THRAP3: variants seen among roughly 807,000 people sequenced by gnomAD.
The protein encoded by THRAP3 is thyroid hormone receptor-associated protein 3.
A neutral mutation model predicts 101.0 loss-of-function variants in THRAP3; 16 were observed. The ratio of observed to expected loss-of-function variants is 0.16; its 90% CI spans 0.11 to 0.24. The LOEUF is 0.24. Among genes scored for constraint, THRAP3 ranks in the 10% least tolerant of loss-of-function variants. THRAP3 has a pLI of 1.00. For missense variants in THRAP3, 989 were observed against 1,202.7 expected, an observed-to-expected ratio of 0.82 and a Z score of 2.63; for synonymous variants, 407 against 422.6, an observed-to-expected ratio of 0.96 and a Z score of 0.45.
the THRAP3 span, among the ~76,000 whole-genome samples, chr1:36,210,702 A>AAT: frequency 3.9e-4 from 2 of 5,098 alleles, no homozygotes; most frequent in Non-Finnish European, 5.1e-4. Context: ...AAAAAAAAAA[A>AAT]GTATATATAT....
At chr1:36,287,829 G>A in intron 4 of THRAP3, 9 of 985,452 alleles carry the variant, frequency 9.1e-6, no homozygotes, top group Non-Finnish European at 1.1e-5. Flanking sequence ...CGTGTTAGGA[G>A]AGGACATGAC....
At chr1:36,303,695 C>T in intron 11 of THRAP3, 101 bp from the exon 12 acceptor site, 2 of 1,556,104 alleles carry the variant, frequency 1.3e-6, no homozygotes, top group East Asian at 2.3e-5. Flanking sequence ...GGTTAGGGCA[C>T]AGGTTCTTTT....
intron 1 of THRAP3, among the ~76,000 whole-genome samples, chr1:36,258,882 C>T (rs1480935456): frequency 1.3e-5 from 2 of 152,132 alleles, no homozygotes; most frequent in Non-Finnish European, 2.9e-5. Flanking sequence ...TTTTGGAAAA[C>T]GCTGGACATA....
At chr1:36,293,026 G>GTATTTTTTT (rs1557454287) in intron 7 of THRAP3, among the ~76,000 whole-genome samples, 1 of 19,696 alleles carries the variant, frequency 5.1e-5, no homozygotes, top group African/African-American at 9.7e-5. Context: ...TTCTTTTCTT[G>GTATTTTTTT]TCTTTTTTTT....
At chr1:36,230,085 G>A (rs911744863) in intron 1 of THRAP3, among the ~76,000 whole-genome samples, 4 of 151,232 alleles carry the variant, frequency 2.6e-5, no homozygotes, top group East Asian at 3.9e-4. Context: ...CTCCCGAGTC[G>A]CTGGGATTAC....
chr1:36,249,079 G>T (rs1422335682), intron 1 of THRAP3, among the ~76,000 whole-genome samples: 1 of 151,558 alleles, frequency 6.6e-6, no homozygotes, highest in Non-Finnish European at 1.5e-5. Context: ...GTAGAGATGG[G>T]GTTTCACCAT....
Position 36,233,969 on chromosome 1 carries a change from A to C in THRAP3, c.-135+9464A>C, listed in dbSNP as rs188196314. The stretch of plus-strand genomic sequence containing the variant: ...CATTTCATTTTTTCTTTTTCTTTTT[A>C]TTTTGAGATAGGGTCTTGTTTTGTC... On this transcript the variant is annotated intron_variant, in intron 1 of 11. Transcript: ENST00000354618. Among the ~76,000 whole-genome samples, 204 of 151,642 alleles carry C rather than the reference A, an allele frequency of 1.3e-3. 1 individual carries two copies. Among genetic ancestry groups the C allele is most frequent in the African/African-American group, 4.3e-3 (176 of 41,308 alleles).
intron 1 of THRAP3, among the ~76,000 whole-genome samples, chr1:36,254,672 T>C (rs1452913604): frequency 1.3e-5 from 2 of 152,152 alleles, no homozygotes; most frequent in African/African-American, 4.8e-5. Flanking sequence ...ACTGTTCCTA[T>C]AAAATTGTTT....
chr1:36,256,216 A>G (rs1557821792), intron 1 of THRAP3, among the ~76,000 whole-genome samples: 1 of 144,786 alleles, frequency 6.9e-6, no homozygotes, highest in Non-Finnish European at 1.5e-5. Flanking sequence ...TATTGTTATT[A>G]TTGTTATTAT....
intron 2 of THRAP3, among the ~76,000 whole-genome samples, chr1:36,260,351 A>G (rs1645429274): frequency 6.6e-6 from 1 of 151,584 alleles, no homozygotes; most frequent in African/African-American, 2.4e-5. Context: ...GTCCTTCCCC[A>G]CTCCCCTTCC....
Position 36,267,776 on chromosome 1 carries a change from A to G in THRAP3, c.-32+8292A>G, listed in dbSNP as rs1448140252. Among the ~76,000 whole-genome samples, 2 of 48,330 alleles carry G rather than the reference A, an allele frequency of 4.1e-5. 1 individual carries two copies. Among genetic ancestry groups the G allele is most frequent in the Non-Finnish European group, 1.3e-4 (2 of 15,022 alleles). The allele number at this position is 48,330 out of a possible 152,430, so 31.7% of individuals were successfully genotyped here. A position where few individuals can be genotyped will look rare whatever the true frequency, so the allele number is the denominator to read the frequency against. On this transcript the variant is annotated intron_variant, in intron 2 of 11. Transcript: ENST00000354618. Reference sequence around the variant, plus strand: ...GAGCCCATATTCCCCGCACCCACTCACAGAATACGGGGCATCCGGGGGCTT... The same window carrying G: ...GAGCCCATATTCCCCGCACCCACTCGCAGAATACGGGGCATCCGGGGGCTT...
upstream of THRAP3, chr1:36,224,281 A>G (rs1414385804): frequency 1.3e-5 from 2 of 152,310 alleles, no homozygotes; most frequent in African/African-American, 4.8e-5. Flanking sequence ...CGTGACGCAA[A>G]GCGGCGGGCC....
chr1:36,222,932 C>T (rs1644913546), upstream of THRAP3, among the ~76,000 whole-genome samples: 1 of 152,004 alleles, frequency 6.6e-6, no homozygotes, highest in Non-Finnish European at 1.5e-5. Flanking sequence ...AGTCTGATAC[C>T]AGCTTGGCCA....
At chr1:36,276,882 T>C (rs1645667920) in intron 2 of THRAP3, among the ~76,000 whole-genome samples, 1 of 151,948 alleles carries the variant, frequency 6.6e-6, no homozygotes, top group Non-Finnish European at 1.5e-5. Context: ...AGAAAAAAAG[T>C]GAAAAGAAAA....
intron 3 of THRAP3, among the ~76,000 whole-genome samples, chr1:36,285,977 C>T (rs368113707): frequency 2.6e-5 from 4 of 152,164 alleles, no homozygotes; most frequent in Non-Finnish European, 5.9e-5. Context: ...GTTTTTCTCT[C>T]GTTTCCAATG....
At chr1:36,301,826 T>G in intron 11 of THRAP3, 130 bp downstream of exon 11, 20 of 1,149,034 alleles carry the variant, frequency 1.7e-5, no homozygotes, top group Non-Finnish European at 2.2e-5. Flanking sequence ...CTGGGGCATG[T>G]GTACTTGCAT....
intron 5 of THRAP3, among the ~76,000 whole-genome samples, 165 bp from the exon 6 acceptor site, chr1:36,291,209 T>C (rs1479608397): frequency 3.3e-5 from 5 of 152,254 alleles, no homozygotes; most frequent in Admixed American, 6.5e-5. Context: ...AGATTTTGTA[T>C]ATACTTTTCC....
chr1:36,241,428 T>TATACAC (rs1287287207), intron 1 of THRAP3, among the ~76,000 whole-genome samples: 12 of 137,850 alleles, frequency 8.7e-5, no homozygotes, highest in African/African-American at 3.2e-4. Context: ...TATATATATA[T>TATACAC]ACACATATAT....
rs71796650 is a variant in THRAP3, at chr1:36,266,850, A to ATATTTATTTATT, written c.-32+7400_-32+7411dup. Among the ~76,000 whole-genome samples, 754 of 144,306 alleles carry ATATTTATTTATT rather than the reference A, an allele frequency of 5.2e-3. 5 individuals carry two copies. The highest frequency in any genetic ancestry group is 0.014 in the Middle Eastern group (4 of 278). The allele number at this position is 144,306 out of a possible 152,430, so 94.7% of individuals were successfully genotyped here. On this transcript the variant is annotated intron_variant, in intron 2 of 11. Coordinates refer to ENST00000354618, the MANE Select transcript of THRAP3 (RefSeq NM_005119.4). ...AAAAAAGGAGTAGATTATAATACGA[A>ATATTTATTTATT]TATTTATTTATTTATTTATTTATTT... is the stretch of plus-strand genomic sequence containing the variant.
Sources: allele counts gnomAD v4.1 joint callset (sites outside exome capture counted in the v4.1 genomes callset), GRCh38; gene constraint gnomAD v4.1.1; transcripts MANE v1.5; gene names NCBI Gene and HGNC (gene_info 2026-07-23, HGNC 2026-07-21).